Variants in BBS9 observed in about 807,000 individuals in gnomAD.
The protein encoded by BBS9 is Bardet-Biedl syndrome 9, also known as protein PTHB1.
BBS9 carries 89 observed loss-of-function variants against 117.7 expected under a neutral mutation model. The ratio of observed to expected loss-of-function variants is 0.76; its 90% CI spans 0.64 to 0.90. The LOEUF (loss-of-function observed/expected upper bound fraction) is 0.90. Among genes scored for constraint, BBS9 ranks in the 40% least tolerant of loss-of-function variants. The pLI is 0.00. For synonymous variants in BBS9, 379 were observed against 370.9 expected, an observed-to-expected ratio of 1.02 and a Z score of -0.25; for missense variants, 982 against 1,042.2, an observed-to-expected ratio of 0.94 and a Z score of 0.80.
intron 5 of BBS9, among the ~76,000 whole-genome samples, chr7:33,238,720 T>C (rs1220506038): frequency 6.6e-6 from 1 of 152,022 alleles, no homozygotes; most frequent in African/African-American, 2.4e-5. Context: ...TATTTTAGGA[T>C]TTTTTTTAGC....
At chr7:33,145,199 G>T (rs373683483) in intron 1 of BBS9, among the ~76,000 whole-genome samples, 1 of 152,184 alleles carries the variant, frequency 6.6e-6, no homozygotes, top group African/African-American at 2.4e-5. Flanking sequence ...TAACTTTCGT[G>T]AATAAGGAGA....
chr7:33,449,401 C>G (rs1376085130), intron 19 of BBS9, among the ~76,000 whole-genome samples: 1 of 152,106 alleles, frequency 6.6e-6, no homozygotes, highest in African/African-American at 2.4e-5. Context: ...TGTAATTTCA[C>G]TGTTTGGAAC....
Position 33,592,319 on chromosome 7 carries a change from A to G in BBS9, c.2522-12546A>G, listed in dbSNP as rs148534847. 1.1e-3 allele frequency among the ~76,000 whole-genome samples: 162 copies of G among 152,172 alleles called. 6 individuals carry two copies. In the East Asian group the frequency reaches 0.025, roughly 24 times the overall value. On this transcript the variant is annotated intron_variant, in intron 21 of 22. Coordinates refer to ENST00000242067, the MANE Select transcript of BBS9 (RefSeq NM_198428.3). ...TTAATCCTAATCTCTCAGAAAGCAC[A>G]TGCTATATTTTCTGCATTGAAAGGA...
chr7:33,534,467 A>T (rs895725570), intron 21 of BBS9: 5 of 460,120 alleles, frequency 1.1e-5, no homozygotes, highest in African/African-American at 7.9e-5. Context: ...TAGAAGATAA[A>T]CTATTTTTAA....
In BBS9 at chr7:33,411,945, G is replaced by A. The variant is rs1419928; in HGVS notation, c.2115+23801G>A. On this transcript the variant is annotated intron_variant, in intron 19 of 22. Coordinates refer to ENST00000242067, the MANE Select transcript of BBS9 (RefSeq NM_198428.3). ...AGCATGGACAAATGTTACTCCTTAT[G>A]GTAGTCATTTACCATTGAGGATGAT... Among the ~76,000 whole-genome samples, 21 of 151,902 alleles carry A rather than the reference G, an allele frequency of 1.4e-4. 1 individual carries two copies. Among genetic ancestry groups the A allele is most frequent in the African/African-American group, 4.6e-4 (19 of 41,410 alleles).
intron 19 of BBS9, among the ~76,000 whole-genome samples, chr7:33,491,715 T>C (rs1347857301): frequency 6.6e-6 from 1 of 152,080 alleles, no homozygotes; most frequent in African/African-American, 2.4e-5. Context: ...ACAGGGTGCT[T>C]TGAGAGAGAA....
At chr7:33,262,327 C>G (rs780389076) in intron 6 of BBS9, among the ~76,000 whole-genome samples, 1 of 152,022 alleles carries the variant, frequency 6.6e-6, no homozygotes, top group African/African-American at 2.4e-5. Flanking sequence ...AGTTTTGGAC[C>G]TTTGTAACAA....
intron 21 of BBS9, among the ~76,000 whole-genome samples, chr7:33,554,420 A>G (rs1389289491): frequency 1.3e-5 from 2 of 152,152 alleles, no homozygotes; most frequent in Non-Finnish European, 1.5e-5. Flanking sequence ...AGATAGAAGT[A>G]CAAATATCTA....
chr7:33,546,775 T>C (rs1421295856), intron 21 of BBS9, among the ~76,000 whole-genome samples: 1 of 152,210 alleles, frequency 6.6e-6, no homozygotes, highest in Non-Finnish European at 1.5e-5. Context: ...CCACAACGCA[T>C]TCCCTGGTCC....
rs192225505 is a variant in BBS9, at chr7:33,613,672, C to A, written c.2522-21505C>A. ...CGCAACAACCTCACTATGTTTGCAA[C>A]ATACACGAAAAAAAATTAACATCCC... On this transcript the variant is annotated intron_variant, in intron 21 of 21. Coordinates refer to the BBS9 transcript ENST00000671952. 9.3e-4 allele frequency among the ~76,000 whole-genome samples: 142 copies of A among 151,990 alleles called. 1 individual carries two copies. The Middle Eastern group carries it at 0.01, about 11-fold the overall frequency.
At chr7:33,226,135 G>C (rs945390009) in intron 5 of BBS9, among the ~76,000 whole-genome samples, 1 of 152,180 alleles carries the variant, frequency 6.6e-6, no homozygotes, top group Admixed American at 6.5e-5. Context: ...TCACTGGTGA[G>C]TGATTGTCAG....
chr7:33,481,065 G>T (rs1351198431), intron 19 of BBS9, among the ~76,000 whole-genome samples: 1 of 152,164 alleles, frequency 6.6e-6, no homozygotes. Flanking sequence ...GTCTCAGGGA[G>T]TTTTCTATAG....
intron 19 of BBS9, among the ~76,000 whole-genome samples, chr7:33,420,161 G>A (rs6966188): frequency 0.18 from 26,857 of 152,100 alleles, 2,573 homozygotes; most frequent in South Asian, 0.21. Flanking sequence ...AGACAAATCT[G>A]GTTTTCAACC....
At chr7:33,578,280 G>T (rs1264206284) in intron 21 of BBS9, among the ~76,000 whole-genome samples, 1 of 152,220 alleles carries the variant, frequency 6.6e-6, no homozygotes, top group Non-Finnish European at 1.5e-5. Flanking sequence ...CCAGGTTGCA[G>T]TACAGTGGTG....
intron 19 of BBS9, among the ~76,000 whole-genome samples, chr7:33,492,811 A>AGTGTGTGTGTGTGTGT (rs57870306): frequency 4.5e-4 from 59 of 131,670 alleles, no homozygotes; most frequent in Admixed American, 7.3e-4. Context: ...TATAGGAGTG[A>AGTGTGTGTGTGTGTGT]GTGTGTGTGT....
chr7:33,464,587 T>A (rs1043661210), intron 19 of BBS9, among the ~76,000 whole-genome samples: 1 of 152,032 alleles, frequency 6.6e-6, no homozygotes, highest in African/African-American at 2.4e-5. Flanking sequence ...TTCAATAATT[T>A]TTTTCCTACT....
rs79603307 is a variant in BBS9, at chr7:33,187,916, C to T, written c.442+10325C>T. Reference sequence around the variant, plus strand: ...CAGCCTGGGCGACAGAGCGAGACTCCGTCTCGAAAAAAGAAAAAAGACAGT... The same window carrying T: ...CAGCCTGGGCGACAGAGCGAGACTCTGTCTCGAAAAAAGAAAAAAGACAGT... On this transcript the variant is annotated intron_variant, in intron 5 of 22. Coordinates refer to ENST00000242067, the MANE Select transcript of BBS9 (RefSeq NM_198428.3). Among the ~76,000 whole-genome samples, 479 of 151,618 alleles carry T rather than the reference C, an allele frequency of 3.2e-3. 15 individuals are homozygous for T. The East Asian group carries it at 0.061, about 19-fold the overall frequency.
intron 20 of BBS9, among the ~76,000 whole-genome samples, chr7:33,514,884 A>G (rs1847504185): frequency 6.6e-6 from 1 of 152,234 alleles, no homozygotes. Flanking sequence ...TAAAAACTGC[A>G]TTAGATGCAT....
At chr7:33,319,022 G>C (rs1241276308) in intron 9 of BBS9, among the ~76,000 whole-genome samples, 2 of 152,110 alleles carry the variant, frequency 1.3e-5, no homozygotes, top group African/African-American at 4.8e-5. Flanking sequence ...AGTTAGCTGG[G>C]TATGGTGGTG....
Sources: gnomAD v4.1 joint callset for allele counts (sites outside exome capture counted in the v4.1 genomes callset) on GRCh38, gnomAD v4.1.1 for gene constraint, MANE v1.5 for transcripts, NCBI Gene and HGNC (gene_info 2026-07-23, HGNC 2026-07-21) for gene names.